GALK2: variants seen among roughly 807,000 people sequenced by gnomAD.
GALK2 encodes the protein N-acetylgalactosamine kinase.
In GALK2, 36 loss-of-function variants were observed where a neutral mutation model predicts 52.4. That is an observed-to-expected ratio of 0.69 (90% CI 0.53 to 0.91). The LOEUF is 0.91. Ranked by LOEUF, GALK2 falls within the 40% of genes least tolerant of loss-of-function variation. The probability of loss-of-function intolerance (pLI) is 0.00; values close to 1 mark genes in which losing one functional copy is unlikely to be tolerated. For synonymous variants in GALK2, 176 were observed against 199.1 expected, an observed-to-expected ratio of 0.88 and a Z score of 0.98; for missense variants, 579 against 559.1, an observed-to-expected ratio of 1.04 and a Z score of -0.36.
At chr15:49,250,887 G>A (rs190868132) in intron 5 of GALK2, among the ~76,000 whole-genome samples, 9 of 152,148 alleles carry the variant, frequency 5.9e-5, no homozygotes, top group South Asian at 2.1e-4. Flanking sequence ...CAAAGCAAAC[G>A]GTTGGATTCT....
At chr15:49,205,865 A>G (rs1452543636) in intron 2 of GALK2, among the ~76,000 whole-genome samples, 1 of 152,088 alleles carries the variant, frequency 6.6e-6, no homozygotes, top group Non-Finnish European at 1.5e-5. Context: ...TTAGTTTCAT[A>G]TCTTAGGTTT....
At chr15:49,290,266 C>A (rs182948228) in intron 7 of GALK2, among the ~76,000 whole-genome samples, 1 of 152,332 alleles carries the variant, frequency 6.6e-6, no homozygotes, top group East Asian at 1.9e-4. Context: ...CTATTTGACT[C>A]CCTCAATGTA....
intron 3 of GALK2, among the ~76,000 whole-genome samples, chr15:49,345,694 A>G (rs1206204526): frequency 6.6e-6 from 1 of 152,196 alleles, no homozygotes; most frequent in South Asian, 2.1e-4. Context: ...GGACAAATAA[A>G]ATAGTCCTTT....
chr15:49,240,784 T>C (rs1463393345), intron 5 of GALK2, among the ~76,000 whole-genome samples: 1 of 152,208 alleles, frequency 6.6e-6, no homozygotes, highest in African/African-American at 2.4e-5. Flanking sequence ...TTGCTGGGCC[T>C]TGTAAACTTT....
chr15:49,277,009 C>G (rs1489321828), intron 5 of GALK2, among the ~76,000 whole-genome samples: 1 of 137,848 alleles, frequency 7.3e-6, no homozygotes, highest in Non-Finnish European at 1.5e-5. Flanking sequence ...TCGCTCTGTC[C>G]CGCCTGCAGG....
rs933028319 is a variant in GALK2, at chr15:49,192,491, A to ATATG, written c.54-8668_54-8667insGTAT. Among the ~76,000 whole-genome samples the ATATG allele has an allele frequency of 4.6e-3, 117 of 25,412 alleles. 2 individuals are homozygous for ATATG. The highest frequency in any genetic ancestry group is 7.6e-3 in the Non-Finnish European group (86 of 11,332). The allele number at this position is 25,412 out of a possible 152,430, so 16.7% of individuals were successfully genotyped here. A position where few individuals can be genotyped will look rare whatever the true frequency, so the allele number is the denominator to read the frequency against. On this transcript the variant is annotated intron_variant, in intron 1 of 9. Coordinates refer to ENST00000560031, the MANE Select transcript of GALK2 (RefSeq NM_002044.4). ...ATGAATATTATATATATATGTATAT[A>ATATG]TATATATATATATATATATATATAT...
intron 9 of GALK2, among the ~76,000 whole-genome samples, 186 bp downstream of exon 9, chr15:49,319,991 A>G (rs762719295): frequency 9.9e-5 from 15 of 152,204 alleles, no homozygotes; most frequent in Non-Finnish European, 1.8e-4. Flanking sequence ...AAGATTTGCT[A>G]CCTGGCTCCA....
At chr15:49,190,357 T>A (rs1327725183) in intron 1 of GALK2, among the ~76,000 whole-genome samples, 2 of 152,222 alleles carry the variant, frequency 1.3e-5, no homozygotes, top group African/African-American at 4.8e-5. Flanking sequence ...TGGCTGTTAA[T>A]GTTTTCAATT....
intron 3 of GALK2, chr15:49,225,164 C>T (rs1264539958): frequency 2.2e-6 from 1 of 454,908 alleles, no homozygotes; most frequent in Non-Finnish European, 4.4e-6. Context: ...AGGAAGCCGC[C>T]TCTGATCACT....
At chr15:49,334,285 G>A, downstream of GALK2, 1 of 972,332 alleles carries the variant, frequency 1.0e-6, no homozygotes, top group Non-Finnish European at 1.2e-6. Flanking sequence ...TTAATTCTGA[G>A]CTTTTCCCTA....
chr15:49,291,962 G>A (rs1045309593), intron 7 of GALK2, among the ~76,000 whole-genome samples: 14 of 152,106 alleles, frequency 9.2e-5, no homozygotes, highest in African/African-American at 3.4e-4. Flanking sequence ...GACTTCCTAG[G>A]GAGGAATGCA....
intron 3 of GALK2, among the ~76,000 whole-genome samples, chr15:49,224,688 C>A (rs2090027013): frequency 6.6e-6 from 1 of 152,100 alleles, no homozygotes; most frequent in Admixed American, 6.5e-5. Context: ...AAGTCTATGT[C>A]TGTGTATCTG....
At chr15:49,173,628 A>G (rs1029881379) in intron 1 of GALK2, among the ~76,000 whole-genome samples, 2 of 152,134 alleles carry the variant, frequency 1.3e-5, no homozygotes, top group Non-Finnish European at 2.9e-5. Flanking sequence ...TTTTATAAAA[A>G]TGATATATTC....
intron 3 of GALK2, among the ~76,000 whole-genome samples, chr15:49,355,588 T>C (rs1465647647): frequency 6.6e-6 from 1 of 152,150 alleles, no homozygotes; most frequent in Non-Finnish European, 1.5e-5. Context: ...TATGGGGCTA[T>C]GTGAAAAGAC....
intron 5 of GALK2, among the ~76,000 whole-genome samples, chr15:49,280,965 T>C (rs1014440425): frequency 2.6e-5 from 4 of 152,126 alleles, no homozygotes; most frequent in African/African-American, 9.7e-5. Context: ...GCCTCCTGAG[T>C]AGCTGTGACT....
In GALK2 at chr15:49,213,950, T is replaced by C. The variant is rs149391459; in HGVS notation, c.143-3240T>C. Among the ~76,000 whole-genome samples the C allele has an allele frequency of 9.2e-3, 1,398 of 152,090 alleles. 25 individuals are homozygous for C. The highest frequency in any genetic ancestry group is 0.015 in the Non-Finnish European group (1,034 of 67,986). ...GGCTAACACGGTGAAACCCCATCTCTACTAAAAAATAAAAAAAGATTTAGC... is the reference window on the plus strand; with the variant it reads ...GGCTAACACGGTGAAACCCCATCTCCACTAAAAAATAAAAAAAGATTTAGC... On this transcript the variant is annotated intron_variant, in intron 2 of 9. Coordinates refer to ENST00000560031, the MANE Select transcript of GALK2 (RefSeq NM_002044.4).
At position 49,355,866 on chromosome 15, in the gene GALK2, A is replaced by C. The variant is rs558960421; in HGVS notation, c.427-11625A>C. Among the ~76,000 whole-genome samples, 35 of 152,350 alleles carry C rather than the reference A, an allele frequency of 2.3e-4. No individual in the cohort carries two copies. In the South Asian group the frequency reaches 6.8e-3, roughly 30 times the overall value. On this transcript the variant is annotated intron_variant, in intron 3 of 3. Coordinates refer to the GALK2 transcript ENST00000558399. ...AAAGGTCGGGTCACCCTCAAAGGGA[A>C]GCCCATCAGACTAACAGTGGATCTC...
chr15:49,291,175 TG>T (rs1307207994), intron 7 of GALK2, among the ~76,000 whole-genome samples: 29 of 152,226 alleles, frequency 1.9e-4, no homozygotes, highest in African/African-American at 6.5e-4. Flanking sequence ...TTTTGCTTTT[TG>T]TTTTTTGTTT....
intron 5 of GALK2, among the ~76,000 whole-genome samples, chr15:49,243,088 GCT>G (rs1286519438): frequency 9.2e-5 from 14 of 152,314 alleles, no homozygotes; most frequent in African/African-American, 2.4e-4. Context: ...TCATCCCACA[GCT>G]CTCTGGCAAG....
Sources: gnomAD v4.1 joint callset for allele counts (sites outside exome capture counted in the v4.1 genomes callset) on GRCh38, gnomAD v4.1.1 for gene constraint, MANE v1.5 for transcripts, NCBI Gene and HGNC (gene_info 2026-07-23, HGNC 2026-07-21) for gene names.